The following CAMTA1 variants were observed in gnomAD, a reference collection of about 807,000 sequenced individuals.
CAMTA1 encodes the protein calmodulin-binding transcription activator 1.
In CAMTA1, 27 loss-of-function variants were observed where a neutral mutation model predicts 170.9. That is an observed-to-expected ratio of 0.16 (90% CI 0.12 to 0.22). CAMTA1 has a LOEUF of 0.22. Among genes scored for constraint, CAMTA1 ranks in the 10% least tolerant of loss-of-function variants. The probability of loss-of-function intolerance (pLI) is 1.00; values close to 1 mark genes in which losing one functional copy is unlikely to be tolerated. For missense variants in CAMTA1, 1,619 were observed against 2,217.2 expected, an observed-to-expected ratio of 0.73 and a Z score of 5.42; for synonymous variants, 833 against 891.5, an observed-to-expected ratio of 0.93 and a Z score of 1.17.
At position 7,565,924 on chromosome 1, in the gene CAMTA1, GGGAGA is replaced by G. The variant is rs1274276752; in HGVS notation, c.511-74474_511-74470del. Among the ~76,000 whole-genome samples the G allele has an allele frequency of 6.8e-6, 1 of 147,918 alleles. No individual in the cohort carries two copies. Among genetic ancestry groups the G allele is most frequent in the African/African-American group, 2.7e-5 (1 of 37,430 alleles). ...CTTCTCGCTGTGTCCTCACATAGTA[GGGAGA>G]GAGAGAGAGAGAGAGAGAGAATCTT... On this transcript the variant is annotated intron_variant, in intron 6 of 22. Coordinates refer to ENST00000303635, the MANE Select transcript of CAMTA1 (RefSeq NM_015215.4). The surrounding 1 kb of genome is among the most constrained non-coding windows in gnomAD (Gnocchi z 4.5).
chr1:7,199,951 T>C (rs1656343914), intron 4 of CAMTA1, among the ~76,000 whole-genome samples: 1 of 152,224 alleles, frequency 6.6e-6, no homozygotes, highest in Non-Finnish European at 1.5e-5. Context: ...GCTGCATGTG[T>C]ATATAGATGA....
At chr1:7,048,765 A>G (rs1178130337) in intron 3 of CAMTA1, among the ~76,000 whole-genome samples, 1 of 152,184 alleles carries the variant, frequency 6.6e-6, no homozygotes, top group East Asian at 1.9e-4. Flanking sequence ...CACCGCACTC[A>G]GGTGTAAGGA....
At chr1:6,945,964 C>T (rs1442687359) in intron 3 of CAMTA1, among the ~76,000 whole-genome samples, 12 of 152,164 alleles carry the variant, frequency 7.9e-5, no homozygotes, top group Non-Finnish European at 4.4e-5. Context: ...CTGCTTTGAC[C>T]CATCTTGTAT....
chr1:7,724,446 G>GT (rs1396555176), intron 11 of CAMTA1, among the ~76,000 whole-genome samples: 2 of 152,182 alleles, frequency 1.3e-5, no homozygotes, highest in Admixed American at 1.3e-4. Context: ...TCGAAAAAAT[G>GT]TTTAATTTTT....
chr1:6,894,932 T>G (rs1241484533), intron 3 of CAMTA1, among the ~76,000 whole-genome samples: 2 of 152,182 alleles, frequency 1.3e-5, no homozygotes. Context: ...GAGCAGCTGC[T>G]TCAGATGGAG....
At position 6,965,879 on chromosome 1, in the gene CAMTA1, G is replaced by T. The variant is rs1341774600; in HGVS notation, c.235-125425G>T. On this transcript the variant is annotated intron_variant, in intron 3 of 22. Transcript: ENST00000303635. This position sits in a 1 kb window ranked among gnomAD's most constrained non-coding sequence, Gnocchi z 4.1. ...TGACATTTATTGCAAGCTCGATGCC[G>T]CACGTCTGGCATTAGTTACTGCTTG... Among the ~76,000 whole-genome samples the T allele has an allele frequency of 6.6e-6, 1 of 152,096 alleles. No homozygotes were observed. Among genetic ancestry groups the T allele is most frequent in the Non-Finnish European group, 1.5e-5 (1 of 68,030 alleles).
At chr1:7,762,173 C>CT (rs1290101867) in intron 22 of CAMTA1, among the ~76,000 whole-genome samples, 1 of 152,048 alleles carries the variant, frequency 6.6e-6, no homozygotes, top group Non-Finnish European at 1.5e-5. Flanking sequence ...AGCTAACAAG[C>CT]AGGAATAATT....
At chr1:6,915,136 T>A (rs1447075349) in intron 3 of CAMTA1, among the ~76,000 whole-genome samples, 1 of 152,246 alleles carries the variant, frequency 6.6e-6, no homozygotes, top group Non-Finnish European at 1.5e-5. Context: ...GAAAAGCCAC[T>A]TTAATGGAAG....
chr1:6,847,543 G>GT (rs879864516), intron 3 of CAMTA1, among the ~76,000 whole-genome samples: 2,441 of 138,064 alleles, frequency 0.018, 42 homozygotes, highest in African/African-American at 0.049. Context: ...TTTAAATTTT[G>GT]TTTTTTTTTT....
At chr1:7,655,588 A>G in intron 7 of CAMTA1, among the ~76,000 whole-genome samples, 1 of 87,852 alleles carries the variant, frequency 1.1e-5, no homozygotes. Flanking sequence ...ACACACAAAC[A>G]CCCCTATACA....
chr1:7,132,016 G>A (rs779830361), intron 4 of CAMTA1, among the ~76,000 whole-genome samples: 5 of 151,348 alleles, frequency 3.3e-5, no homozygotes, highest in Non-Finnish European at 7.4e-5. Context: ...TCGAACCACT[G>A]TACTCCAGCC....
intron 6 of CAMTA1, among the ~76,000 whole-genome samples, chr1:7,611,610 G>A (rs1249424372): frequency 1.3e-5 from 2 of 152,238 alleles, no homozygotes; most frequent in Middle Eastern, 3.2e-3. Context: ...CTGCTGGGGG[G>A]CCAAGCTTGC....
At chr1:7,593,191 A>G (rs1327151483) in intron 6 of CAMTA1, among the ~76,000 whole-genome samples, 1 of 152,190 alleles carries the variant, frequency 6.6e-6, no homozygotes, top group Non-Finnish European at 1.5e-5. Flanking sequence ...GGGGAGAAAC[A>G]GCATATCTTG....
chr1:7,157,846 C>T (rs10779676), intron 4 of CAMTA1, among the ~76,000 whole-genome samples: 41,100 of 151,986 alleles, frequency 0.27, 6,245 homozygotes, highest in East Asian at 0.35. Flanking sequence ...CAACAGAATG[C>T]TGCCCTGCAA....
chr1:7,185,927 C>T (rs1393770819), intron 4 of CAMTA1, among the ~76,000 whole-genome samples: 3 of 152,182 alleles, frequency 2.0e-5, no homozygotes, highest in African/African-American at 7.2e-5. Flanking sequence ...GATCCCGGAC[C>T]ACGCGAGTTT....
intron 5 of CAMTA1, among the ~76,000 whole-genome samples, chr1:7,277,047 T>G (rs914082521): frequency 6.6e-6 from 1 of 152,162 alleles, no homozygotes; most frequent in Non-Finnish European, 1.5e-5. Flanking sequence ...TATAACACAT[T>G]GCTGACAGAA....
chr1:7,282,374 A>G (rs1325674589), intron 5 of CAMTA1, among the ~76,000 whole-genome samples: 3 of 151,880 alleles, frequency 2.0e-5, no homozygotes, highest in Non-Finnish European at 4.4e-5. Flanking sequence ...TCTCTTTCTC[A>G]TTGCCTGTAG....
chr1:7,373,503 G>A (rs867409002), intron 5 of CAMTA1, among the ~76,000 whole-genome samples: 9 of 152,140 alleles, frequency 5.9e-5, no homozygotes, highest in Admixed American at 5.9e-4. Context: ...CTTGTAGGGT[G>A]GTGGCTACGT....
Position 7,456,991 on chromosome 1 carries a change from G to A in CAMTA1, c.439-10839G>A, listed in dbSNP as rs2693956. ...CAGCAGAGTTCGGCGCCGCCCTCCC[G>A]TTCCTCCTCCCTCCCATTCTTCCTC... On this transcript the variant is annotated intron_variant, in intron 5 of 22. Coordinates refer to ENST00000303635, the MANE Select transcript of CAMTA1 (RefSeq NM_015215.4). This position sits in a 1 kb window ranked among gnomAD's most constrained non-coding sequence, Gnocchi z 4.9. Among the ~76,000 whole-genome samples the A allele has an allele frequency of 0.59, 88,904 of 149,490 alleles. 27,896 individuals carry two copies. Among genetic ancestry groups the A allele is most frequent in the East Asian group, 0.83 (4,023 of 4,842 alleles).
Sources: allele counts gnomAD v4.1 joint callset (sites outside exome capture counted in the v4.1 genomes callset), GRCh38; gene constraint gnomAD v4.1.1; non-coding constraint Gnocchi (gnomAD v3.1); transcripts MANE v1.5; gene names NCBI Gene and HGNC (gene_info 2026-07-23, HGNC 2026-07-21).